RBFOX1: variants seen among roughly 807,000 people sequenced by gnomAD.
The protein encoded by RBFOX1 is RNA binding fox-1 homolog 1, also known as RNA binding protein fox-1 homolog 1.
RBFOX1 carries 8 observed loss-of-function variants against 57.7 expected under a neutral mutation model. The observed-to-expected ratio is 0.14, with a 90% CI of 0.08 to 0.25. RBFOX1 has a LOEUF of 0.25. Among genes scored for constraint, RBFOX1 ranks in the 10% least tolerant of loss-of-function variants. The pLI, the probability that RBFOX1 is intolerant of heterozygous loss-of-function variation, is 1.00. For missense variants in RBFOX1, 611 were observed against 548.5 expected, an observed-to-expected ratio of 1.11 and a Z score of -1.14; for synonymous variants, 326 against 222.4, an observed-to-expected ratio of 1.47 and a Z score of -4.15.
intron 4 of RBFOX1, among the ~76,000 whole-genome samples, chr16:7,415,298 A>G (rs1366538085): frequency 1.3e-5 from 2 of 152,234 alleles, no homozygotes; most frequent in Non-Finnish European, 1.5e-5. Context: ...GGCTAGCATT[A>G]TAATCCAAGA....
chr16:5,710,222 A>T (rs374814405), intron 3 of RBFOX1, among the ~76,000 whole-genome samples: 1 of 152,102 alleles, frequency 6.6e-6, no homozygotes, highest in Admixed American at 6.5e-5. Context: ...CACTTTGCAG[A>T]TGTTGAAACT....
intron 4 of RBFOX1, among the ~76,000 whole-genome samples, chr16:7,379,244 C>T (rs998421052): frequency 7.2e-5 from 11 of 152,150 alleles, no homozygotes; most frequent in Non-Finnish European, 1.3e-4. Flanking sequence ...TTTGATTTCA[C>T]CATAAACTAA....
At position 7,380,717 on chromosome 16, in the gene RBFOX1, A is replaced by T. The variant is rs540062699; in HGVS notation, c.28-137430A>T. ...GTTTCATACAACTGTTTTCGTTTGCACCTGAATATTCCATGGCTATAGCCA... is the reference window on the plus strand; with the variant it reads ...GTTTCATACAACTGTTTTCGTTTGCTCCTGAATATTCCATGGCTATAGCCA... On this transcript the variant is annotated intron_variant, in intron 4 of 15. Transcript: ENST00000550418. Among the ~76,000 whole-genome samples, 15 of 152,332 alleles carry T rather than the reference A, an allele frequency of 9.8e-5. No individual in the cohort carries two copies. In the South Asian group the frequency reaches 3.1e-3, roughly 32 times the overall value.
chr16:6,702,668 A>T (rs1280731072), intron 3 of RBFOX1, among the ~76,000 whole-genome samples: 1 of 152,244 alleles, frequency 6.6e-6, no homozygotes, highest in South Asian at 2.1e-4. Flanking sequence ...GACTGGTGAG[A>T]ATAATTGCTC....
intron 13 of RBFOX1, among the ~76,000 whole-genome samples, chr16:7,671,950 C>G (rs2071588597): frequency 6.6e-6 from 1 of 152,142 alleles, no homozygotes; most frequent in Non-Finnish European, 1.5e-5. Flanking sequence ...TATCTGGACT[C>G]AATCAGTATA....
chr16:7,540,033 T>C (rs1378736532), intron 5 of RBFOX1, among the ~76,000 whole-genome samples: 1 of 152,214 alleles, frequency 6.6e-6, no homozygotes, highest in African/African-American at 2.4e-5. Context: ...CTATAAATTG[T>C]AGCTGCCACT....
intron 4 of RBFOX1, among the ~76,000 whole-genome samples, chr16:7,060,743 C>T (rs77520891): frequency 0.018 from 2,669 of 152,292 alleles, 82 homozygotes; most frequent in African/African-American, 0.06. Context: ...CATCCTGGTG[C>T]TTGTCCTATG....
intron 2 of RBFOX1, among the ~76,000 whole-genome samples, chr16:6,323,923 C>T (rs549625022): frequency 1.3e-5 from 2 of 152,160 alleles, no homozygotes; most frequent in South Asian, 4.2e-4. Context: ...TAGGTGTGTG[C>T]CATCATGCTC....
chr16:7,394,614 G>A (rs2098111440), intron 4 of RBFOX1, among the ~76,000 whole-genome samples: 1 of 152,002 alleles, frequency 6.6e-6, no homozygotes, highest in African/African-American at 2.4e-5. Flanking sequence ...ACCTCCAACG[G>A]GTGCCACTAC....
chr16:6,366,446 T>G (rs1436749531), intron 2 of RBFOX1, among the ~76,000 whole-genome samples: 2 of 152,134 alleles, frequency 1.3e-5, no homozygotes, highest in African/African-American at 4.8e-5. Context: ...TGGAGAGATA[T>G]GAGACAATGT....
At chr16:6,509,279 T>C (rs377352194) in intron 2 of RBFOX1, among the ~76,000 whole-genome samples, 15 of 152,300 alleles carry the variant, frequency 9.8e-5, no homozygotes, top group African/African-American at 3.6e-4. Context: ...TTATATATTC[T>C]GGTTATTAAT....
chr16:6,614,506 G>T (rs1461133263), intron 2 of RBFOX1, among the ~76,000 whole-genome samples: 1 of 152,150 alleles, frequency 6.6e-6, no homozygotes, highest in Non-Finnish European at 1.5e-5. Flanking sequence ...TGTTTTGTGG[G>T]TGTCCTGAGG....
At chr16:7,339,437 A>G (rs184650375) in intron 4 of RBFOX1, among the ~76,000 whole-genome samples, 1 of 152,168 alleles carries the variant, frequency 6.6e-6, no homozygotes, top group East Asian at 1.9e-4. Flanking sequence ...GAGGAAAGAT[A>G]TTTATGTATT....
intron 3 of RBFOX1, among the ~76,000 whole-genome samples, chr16:7,033,716 G>C (rs755826468): frequency 1.3e-5 from 2 of 152,064 alleles, no homozygotes; most frequent in African/African-American, 2.4e-5. Context: ...CATTTTGTCC[G>C]GGCGTGGCGA....
chr16:6,916,135 C>G (rs1369537580), intron 3 of RBFOX1, among the ~76,000 whole-genome samples: 1 of 152,066 alleles, frequency 6.6e-6, no homozygotes, highest in African/African-American at 2.4e-5. Context: ...AGGCAACCCT[C>G]CAGGAGAGGC....
chr16:7,622,578 T>C (rs976161072), intron 10 of RBFOX1, among the ~76,000 whole-genome samples: 2 of 152,044 alleles, frequency 1.3e-5, no homozygotes, highest in Non-Finnish European at 2.9e-5. Flanking sequence ...TCTCAAGTTA[T>C]GTCAAAATAA....
chr16:5,949,747 C>G (rs2059482204), intron 4 of RBFOX1, among the ~76,000 whole-genome samples: 1 of 152,144 alleles, frequency 6.6e-6, no homozygotes, highest in South Asian at 2.1e-4. Context: ...GCAGCATCAA[C>G]TAGGAGCTTA....
At chr16:7,451,225 A>G (rs2098850569) in intron 4 of RBFOX1, among the ~76,000 whole-genome samples, 1 of 152,198 alleles carries the variant, frequency 6.6e-6, no homozygotes, top group African/African-American at 2.4e-5. Context: ...GGGACCTGAT[A>G]TAATCATATA....
chr16:6,764,707 C>T (rs1266922799), intron 3 of RBFOX1, among the ~76,000 whole-genome samples: 4 of 152,072 alleles, frequency 2.6e-5, no homozygotes, highest in African/African-American at 9.7e-5. Context: ...GAGGCTGAGG[C>T]GGGTAGGTCA....
Sources: gnomAD v4.1 joint callset for allele counts (sites outside exome capture counted in the v4.1 genomes callset) on GRCh38, gnomAD v4.1.1 for gene constraint, MANE v1.5 for transcripts, NCBI Gene and HGNC (gene_info 2026-07-23, HGNC 2026-07-21) for gene names.